PTTG1IP: variants seen among roughly 807,000 people sequenced by gnomAD.
PTTG1IP encodes the protein pituitary tumor-transforming gene 1 protein-interacting protein.
In PTTG1IP, 16 loss-of-function variants were observed where a neutral mutation model predicts 24.4. The ratio of observed to expected loss-of-function variants is 0.66; its 90% CI spans 0.44 to 1.00. PTTG1IP has a LOEUF of 1.00. Ranked by LOEUF, PTTG1IP falls within the 50% of genes least tolerant of loss-of-function variation. PTTG1IP has a pLI of 0.00. For missense variants in PTTG1IP, 241 were observed against 245.8 expected (o/e 0.98, Z 0.13); for synonymous variants, 89 against 96.8 (o/e 0.92, Z 0.47).
At chr21:44,853,432 T>C (rs1423779313) in intron 5 of PTTG1IP, among the ~76,000 whole-genome samples, 6 of 144,622 alleles carry the variant, frequency 4.1e-5, no homozygotes, top group Non-Finnish European at 8.9e-5. Context: ...GGTGTGAACC[T>C]GGGAGGCAGA....
chr21:44,852,368 G>A (rs1179502297), intron 5 of PTTG1IP, among the ~76,000 whole-genome samples: 1 of 152,124 alleles, frequency 6.6e-6, no homozygotes, highest in Non-Finnish European at 1.5e-5. Context: ...TTTTAGTAGA[G>A]ACGGGGTTTC....
intron 1 of PTTG1IP, among the ~76,000 whole-genome samples, chr21:44,868,580 G>C (rs1020695721): frequency 6.6e-6 from 1 of 152,292 alleles, no homozygotes; most frequent in African/African-American, 2.4e-5. Context: ...AGCCAGCCTG[G>C]AGGGAGTCTT....
At chr21:44,871,357 T>C (rs1185565077) in intron 1 of PTTG1IP, among the ~76,000 whole-genome samples, 1 of 152,124 alleles carries the variant, frequency 6.6e-6, no homozygotes, top group Non-Finnish European at 1.5e-5. Flanking sequence ...CACACAGCAG[T>C]CTGAGCTCCT....
intron 5 of PTTG1IP, among the ~76,000 whole-genome samples, chr21:44,853,980 G>A (rs1356668329): frequency 6.6e-6 from 1 of 152,210 alleles, no homozygotes; most frequent in African/African-American, 2.4e-5. Flanking sequence ...TTCCAAGGAG[G>A]CCAGAACTGA....
At position 44,849,779 on chromosome 21, in the gene PTTG1IP, T is replaced by C. The variant is rs1249811697; in HGVS notation, c.*1802A>G. ...AGCGCAAGGGCTGACTACGCTGTAT[T>C]TCACAACCGAGCCCTAGCGCCAGCT... On this transcript the variant is annotated 3_prime_UTR_variant, in exon 6 of 6. Transcript: ENST00000330938. 6.6e-6 allele frequency: 1 copy of C among 152,366 alleles called. No homozygotes were observed. The highest frequency in any genetic ancestry group is 1.9e-4 in the East Asian group (1 of 5,204). 9.4% of individuals were successfully genotyped at this position (152,366 alleles called of 1,614,324 possible). A position where few individuals can be genotyped will look rare whatever the true frequency, so the allele number is the denominator to read the frequency against.
intron 2 of PTTG1IP, 129 bp from the exon 3 acceptor site, chr21:44,861,400 C>G: frequency 4.3e-6 from 3 of 704,562 alleles, no homozygotes; most frequent in Non-Finnish European, 7.1e-6. Context: ...ACCTCCCCCT[C>G]AACGCCTCAT....
chr21:44,873,516 T>A lies in PTTG1IP; in HGVS notation c.101A>T (p.Glu34Val). ...LLLIPVAAAQ[E>V]PPGAACSQNT... Reference sequence around the variant, plus strand: ...GGCGCCCTCACCAGCTCCGGGAGGCTCCTGCGCGGCGGCCACCGGGATGAG... The same window carrying A: ...GGCGCCCTCACCAGCTCCGGGAGGCACCTGCGCGGCGGCCACCGGGATGAG... Residue 34 changes from glutamate to valine, a missense_variant, in exon 1 of 6, where the codon GAG (glutamate) becomes GTG (valine). Transcript: ENST00000330938. 1 of 1,460,204 alleles carries A rather than the reference T, an allele frequency of 6.8e-7. No individual in the cohort carries two copies. Among genetic ancestry groups the A allele is most frequent in the Non-Finnish European group, 9.0e-7 (1 of 1,112,422 alleles). 90.5% of individuals were successfully genotyped at this position (1,460,204 alleles called of 1,614,324 possible).
intron 2 of PTTG1IP, 122 bp from the exon 3 acceptor site, chr21:44,861,393 T>TC (rs979731648): frequency 4.7e-5 from 37 of 788,762 alleles, no homozygotes; most frequent in Middle Eastern, 2.5e-4. Flanking sequence ...AGGCTCAACC[T>TC]CCCCCTCAAC....
rs2083405812 is a variant in PTTG1IP, at chr21:44,850,926, G to C, written c.*655C>G. ...CTGAATTTTTATATGAAGGTTTTCTGGTGAAATCTTTTAAGCAGGGAGGAA... is the reference window on the plus strand; with the variant it reads ...CTGAATTTTTATATGAAGGTTTTCTCGTGAAATCTTTTAAGCAGGGAGGAA... On this transcript the variant is annotated 3_prime_UTR_variant, in exon 6 of 6. Transcript: ENST00000330938. The C allele has an allele frequency of 6.5e-6, 1 of 154,578 alleles. No homozygotes were observed. Among genetic ancestry groups the C allele is most frequent in the Admixed American group, 6.5e-5 (1 of 15,394 alleles). 9.6% of individuals were successfully genotyped at this position (154,578 alleles called of 1,614,324 possible).
rs890893195 is a variant in PTTG1IP, at chr21:44,873,650, T to C, written c.-34A>G. ...GGTCGCTCTATCAGTCAGTGGAGCG[T>C]TACAACTCCGACTCCAGCACAAGCG... On this transcript the variant is annotated 5_prime_UTR_variant, in exon 1 of 6. Transcript: ENST00000330938. 7.8e-5 allele frequency: 106 copies of C among 1,350,828 alleles called. No homozygotes were observed. Among genetic ancestry groups the C allele is most frequent in the Non-Finnish European group, 9.5e-5 (100 of 1,049,036 alleles). The allele number at this position is 1,350,828 out of a possible 1,614,324, so 83.7% of individuals were successfully genotyped here.
chr21:44,866,700 C>T (rs1245394710), intron 1 of PTTG1IP, among the ~76,000 whole-genome samples: 1 of 149,598 alleles, frequency 6.7e-6, no homozygotes, highest in Admixed American at 6.6e-5. Context: ...CACACACACA[C>T]ACACAAACAC....
At chr21:44,871,310 C>T (rs1376390040) in intron 1 of PTTG1IP, among the ~76,000 whole-genome samples, 1 of 152,170 alleles carries the variant, frequency 6.6e-6, no homozygotes, top group Non-Finnish European at 1.5e-5. Flanking sequence ...GACCCACCAC[C>T]TCGGGGACCT....
Position 44,868,806 on chromosome 21 carries a change from G to A in PTTG1IP, c.116-3359C>T, listed in dbSNP as rs367965958. On this transcript the variant is annotated intron_variant, in intron 1 of 5. Transcript: ENST00000330938. Reference sequence around the variant, plus strand: ...TGCCAAGTCCACTGGGTCTGCCCCCGAAGATGCCAAGTCCACTGGGTCTGC... The same window carrying A: ...TGCCAAGTCCACTGGGTCTGCCCCCAAAGATGCCAAGTCCACTGGGTCTGC... 5.3e-5 allele frequency among the ~76,000 whole-genome samples: 8 copies of A among 151,886 alleles called. 1 individual carries two copies. Among genetic ancestry groups the A allele is most frequent in the East Asian group, 3.8e-4 (2 of 5,196 alleles).
At chr21:44,853,391 C>A in intron 5 of PTTG1IP, among the ~76,000 whole-genome samples, 1 of 151,864 alleles carries the variant, frequency 6.6e-6, no homozygotes. Flanking sequence ...ACCTGTAGTC[C>A]CAGCTACTCA....
chr21:44,872,651 G>A (rs1442927318), intron 1 of PTTG1IP, among the ~76,000 whole-genome samples: 1 of 152,176 alleles, frequency 6.6e-6, no homozygotes, highest in Non-Finnish European at 1.5e-5. Context: ...CCCACAGGAA[G>A]CCACCCTCTA....
At chr21:44,870,075 G>C (rs1460887221) in intron 1 of PTTG1IP, among the ~76,000 whole-genome samples, 5 of 152,196 alleles carry the variant, frequency 3.3e-5, no homozygotes, top group Non-Finnish European at 5.9e-5. Context: ...GGCATGAGAG[G>C]AAGAGGGAGA....
chr21:44,868,447 A>T (rs2083559715), intron 1 of PTTG1IP, among the ~76,000 whole-genome samples: 1 of 152,232 alleles, frequency 6.6e-6, no homozygotes, highest in African/African-American at 2.4e-5. Context: ...ATCAGCCGGA[A>T]GCAGGGCTCC....
In PTTG1IP at chr21:44,873,498, T is replaced by C. The variant is rs542437719; in HGVS notation, c.115+4A>G. On this transcript the variant is annotated splice_donor_region_variant and intron_variant, in intron 1 of 5. Coordinates refer to ENST00000330938, the MANE Select transcript of PTTG1IP (RefSeq NM_004339.4). ...CGCGGCCCCGCCCGCCCCGGCGCCC[T>C]CACCAGCTCCGGGAGGCTCCTGCGC... 7.0e-4 allele frequency: 989 copies of C among 1,417,298 alleles called. 9 individuals carry two copies. In the African/African-American group the frequency reaches 0.013, roughly 19 times the overall value. The allele number at this position is 1,417,298 out of a possible 1,614,324, so 87.8% of individuals were successfully genotyped here.
At chr21:44,858,219 C>G (rs11909942) in intron 3 of PTTG1IP, among the ~76,000 whole-genome samples, 1 of 152,220 alleles carries the variant, frequency 6.6e-6, no homozygotes, top group African/African-American at 2.4e-5. Context: ...GCATGTTTAT[C>G]AGGCCATTAC....
Sources: gnomAD v4.1 joint callset for allele counts (sites outside exome capture counted in the v4.1 genomes callset) on GRCh38, gnomAD v4.1.1 for gene constraint, MANE v1.5 for transcripts, NCBI Gene and HGNC (gene_info 2026-07-23, HGNC 2026-07-21) for gene names.